Variants in SLC35F4 observed in about 807,000 individuals in gnomAD.
The protein encoded by SLC35F4 is solute carrier family 35 member F4, also known as chromosome 14 open reading frame 36.
In SLC35F4, 24 loss-of-function variants were observed where a neutral mutation model predicts 44.2. That is an observed-to-expected ratio of 0.54 (90% confidence interval 0.39 to 0.76). SLC35F4 has a LOEUF of 0.76. Among genes scored for constraint, SLC35F4 ranks in the 30% least tolerant of loss-of-function variants. The pLI is 0.00. For missense variants in SLC35F4, 562 were observed against 586.1 expected, an observed-to-expected ratio of 0.96 and a Z score of 0.42; for synonymous variants, 238 against 223.6, an observed-to-expected ratio of 1.06 and a Z score of -0.57.
At chr14:57,774,212 G>A (rs1423126896) in intron 1 of SLC35F4, among the ~76,000 whole-genome samples, 1 of 152,098 alleles carries the variant, frequency 6.6e-6, no homozygotes. Flanking sequence ...TGAAAGGGGA[G>A]GAAGCTGGAA....
intron 1 of SLC35F4, among the ~76,000 whole-genome samples, chr14:57,943,442 A>T (rs1889951420): frequency 6.6e-6 from 1 of 152,202 alleles, no homozygotes; most frequent in African/African-American, 2.4e-5. Flanking sequence ...CCAAAAAGAG[A>T]GAAACTTTAT....
intron 3 of SLC35F4, among the ~76,000 whole-genome samples, chr14:57,587,880 A>G (rs983034150): frequency 3.3e-5 from 5 of 151,194 alleles, no homozygotes; most frequent in African/African-American, 1.2e-4. Context: ...CAAAAAAAAA[A>G]AAAAAAAAGA....
chr14:57,865,796 C>G lies in SLC35F4; in HGVS notation c.30G>C (p.Val10=), dbSNP rs1238058887. The G allele has an allele frequency of 1.6e-5, 24 of 1,520,616 alleles. No homozygotes were observed. Among genetic ancestry groups the G allele is most frequent in the Non-Finnish European group, 2.0e-5 (23 of 1,140,760 alleles). 94.2% of individuals were successfully genotyped at this position (1,520,616 alleles called of 1,614,324 possible). Residue 10 remains valine, a synonymous_variant, in exon 1 of 8, where the codon GTG becomes GTC. Transcript: ENST00000556826. MDVKAAPNG[V]ATIEDRILRI... The stretch of plus-strand genomic sequence containing the variant: ...GCAGGATCCGGTCCTCGATAGTGGC[C>G]ACCCCGTTGGGGGCCGCCTTGACAT...
chr14:57,818,528 A>T (rs1350654750), intron 1 of SLC35F4, among the ~76,000 whole-genome samples: 1 of 152,194 alleles, frequency 6.6e-6, no homozygotes, highest in Non-Finnish European at 1.5e-5. Context: ...ACACAGTAGG[A>T]GCAGAAAGAA....
intron 1 of SLC35F4, among the ~76,000 whole-genome samples, chr14:57,925,641 CTT>C (rs11438270): frequency 7.4e-6 from 1 of 134,676 alleles, no homozygotes. Context: ...CTTGAAGGAG[CTT>C]TTTTTTTTTT....
chr14:57,840,587 C>G (rs946772596), intron 1 of SLC35F4, among the ~76,000 whole-genome samples: 1 of 152,080 alleles, frequency 6.6e-6, no homozygotes, highest in Non-Finnish European at 1.5e-5. Flanking sequence ...GGTGTAGGCT[C>G]TCAAAATCTG....
chr14:57,844,935 T>TCC (rs752374898), intron 1 of SLC35F4, among the ~76,000 whole-genome samples: 1 of 132,814 alleles, frequency 7.5e-6, no homozygotes, highest in Non-Finnish European at 1.5e-5. Context: ...CTCTGTCTCT[T>TCC]CCCCCACCCC....
In SLC35F4 at chr14:57,832,125, T is replaced by C. The variant is rs567076443; in HGVS notation, c.103+33598A>G. Among the ~76,000 whole-genome samples the C allele has an allele frequency of 3.9e-4, 59 of 152,300 alleles. 1 individual carries two copies. Among genetic ancestry groups the C allele is most frequent in the South Asian group, 1.7e-3 (8 of 4,824 alleles). ...GCAACCAGGAGCAAGATTGGAGAAG[T>C]TGGCCAGGGTTGAAGGACGCTAGGA... On this transcript the variant is annotated intron_variant, in intron 1 of 7. Coordinates refer to ENST00000556826, the MANE Select transcript of SLC35F4 (RefSeq NM_001306087.2).
chr14:57,815,285 G>A (rs1384396973), intron 1 of SLC35F4, among the ~76,000 whole-genome samples: 1 of 152,160 alleles, frequency 6.6e-6, no homozygotes, highest in Non-Finnish European at 1.5e-5. Context: ...TAATTAGGGT[G>A]TTTTTTAGCA....
At position 57,630,418 on chromosome 14, in the gene SLC35F4, A is replaced by G. The variant is rs535546605; in HGVS notation, c.104-36294T>C. 4 of 694,452 alleles carry G rather than the reference A, an allele frequency of 5.8e-6. No homozygotes were observed. The South Asian group carries it at 5.9e-5, about 10-fold the overall frequency. The allele number at this position is 694,452 out of a possible 1,614,324, so 43.0% of individuals were successfully genotyped here. A position where few individuals can be genotyped will look rare whatever the true frequency, so the allele number is the denominator to read the frequency against. Reference sequence around the variant, plus strand: ...TCAAACACTGAAATTAATCTTTTTCAAAATCTAAATCCAATTCAAGATCAC... The same window carrying G: ...TCAAACACTGAAATTAATCTTTTTCGAAATCTAAATCCAATTCAAGATCAC... On this transcript the variant is annotated intron_variant, in intron 1 of 7. Transcript: ENST00000556826.
intron 1 of SLC35F4, among the ~76,000 whole-genome samples, chr14:57,675,108 G>C (rs970528266): frequency 4.6e-5 from 7 of 152,072 alleles, no homozygotes; most frequent in African/African-American, 1.7e-4. Context: ...AAAACAACCA[G>C]AACAGTGCTT....
At chr14:57,768,446 G>C (rs1200902580) in intron 1 of SLC35F4, among the ~76,000 whole-genome samples, 1 of 152,246 alleles carries the variant, frequency 6.6e-6, no homozygotes, top group East Asian at 1.9e-4. Flanking sequence ...TGAATAACAA[G>C]GCCCACAGAA....
At chr14:57,707,427 T>A (rs1197710474) in intron 1 of SLC35F4, among the ~76,000 whole-genome samples, 1 of 152,114 alleles carries the variant, frequency 6.6e-6, no homozygotes, top group Non-Finnish European at 1.5e-5. Flanking sequence ...GCATCTGGCA[T>A]TCCCCCTGCT....
chr14:57,576,142 A>G (rs767114484), intron 4 of SLC35F4, among the ~76,000 whole-genome samples: 3 of 152,128 alleles, frequency 2.0e-5, no homozygotes, highest in African/African-American at 4.8e-5. Context: ...TTATTTGCAT[A>G]ACAGTACCAG....
At chr14:57,631,680 G>C (rs2072783506) in intron 1 of SLC35F4, among the ~76,000 whole-genome samples, 1 of 151,962 alleles carries the variant, frequency 6.6e-6, no homozygotes, top group African/African-American at 2.4e-5. Flanking sequence ...TTTGGAAAAA[G>C]GATTAGTCAG....
At chr14:57,857,299 C>T (rs908780566) in intron 1 of SLC35F4, among the ~76,000 whole-genome samples, 10 of 151,924 alleles carry the variant, frequency 6.6e-5, no homozygotes, top group African/African-American at 1.9e-4. Flanking sequence ...TTGCCTTTTC[C>T]CCCATTGAAG....
chr14:57,568,781 C>T (rs1236414865), intron 6 of SLC35F4, among the ~76,000 whole-genome samples: 1 of 152,172 alleles, frequency 6.6e-6, no homozygotes, highest in Non-Finnish European at 1.5e-5. Flanking sequence ...GATGGATGTT[C>T]TGCAGGTCGA....
chr14:57,972,760 C>T (rs1222410414), downstream of SLC35F4, among the ~76,000 whole-genome samples: 2 of 152,174 alleles, frequency 1.3e-5, no homozygotes, highest in Non-Finnish European at 2.9e-5. Context: ...AGAGTGAGAG[C>T]ATAGTAGCCA....
At chr14:57,642,591 C>A (rs1450358574) in intron 1 of SLC35F4, among the ~76,000 whole-genome samples, 3 of 151,696 alleles carry the variant, frequency 2.0e-5, no homozygotes, top group Non-Finnish European at 4.4e-5. Context: ...GACAAAAGAA[C>A]TGTTTACTTT....
Sources: gnomAD v4.1 joint callset for allele counts (sites outside exome capture counted in the v4.1 genomes callset) on GRCh38, gnomAD v4.1.1 for gene constraint, MANE v1.5 for transcripts, NCBI Gene and HGNC (gene_info 2026-07-23, HGNC 2026-07-21) for gene names.